RALGAPA1: variants seen among roughly 807,000 people sequenced by gnomAD.
RALGAPA1 encodes Ral GTPase activating protein catalytic subunit alpha 1.
Under a neutral mutation model 269.6 loss-of-function variants are expected in RALGAPA1, and 52 were observed. The ratio of observed to expected loss-of-function variants is 0.19; its 90% CI spans 0.15 to 0.24. The LOEUF (loss-of-function observed/expected upper bound fraction) is 0.24. RALGAPA1 is among the 10% of genes least tolerant of loss of function. The probability of loss-of-function intolerance (pLI) is 1.00; values close to 1 mark genes in which losing one functional copy is unlikely to be tolerated. For synonymous variants in RALGAPA1, 817 were observed against 1,008.3 expected (o/e 0.81, Z 3.60); for missense variants, 1,917 against 3,013.9 (o/e 0.64, Z 8.52).
chr14:35,763,500 T>C (rs1040714272), intron 4 of RALGAPA1, among the ~76,000 whole-genome samples: 11 of 152,148 alleles, frequency 7.2e-5, no homozygotes, highest in South Asian at 2.1e-4. Flanking sequence ...ATATAAACTG[T>C]TTCATATAAC....
Position 35,785,305 on chromosome 14 carries a change from T to C in RALGAPA1, c.107-9560A>G, listed in dbSNP as rs150930375. ...AAATAATTACCCGTTCTTGCTTATATCTTGTTCCTTGAAATCTGAAAATGA... is the reference window on the plus strand; with the variant it reads ...AAATAATTACCCGTTCTTGCTTATACCTTGTTCCTTGAAATCTGAAAATGA... On this transcript the variant is annotated intron_variant, in intron 1 of 41. Transcript: ENST00000680220. Among the ~76,000 whole-genome samples, 4 of 152,364 alleles carry C rather than the reference T, an allele frequency of 2.6e-5. No homozygotes were observed. In the South Asian group the frequency reaches 6.2e-4, roughly 24 times the overall value.
chr14:35,798,519 A>G (rs991975720), intron 1 of RALGAPA1, among the ~76,000 whole-genome samples: 8 of 152,186 alleles, frequency 5.3e-5, no homozygotes, highest in Non-Finnish European at 1.0e-4. Flanking sequence ...AATAAATAAT[A>G]AATGTTCAAG....
chr14:35,673,284 A>G (rs2064640088), intron 24 of RALGAPA1, among the ~76,000 whole-genome samples: 1 of 152,244 alleles, frequency 6.6e-6, no homozygotes, highest in African/African-American at 2.4e-5. Flanking sequence ...GGCTGGGCAC[A>G]GTGGCTTAAG....
chr14:35,781,232 T>C (rs898950089), intron 1 of RALGAPA1, among the ~76,000 whole-genome samples: 1 of 152,144 alleles, frequency 6.6e-6, no homozygotes, highest in Non-Finnish European at 1.5e-5. Context: ...TGAGCAACTG[T>C]ATGCTAGCAA....
intron 33 of RALGAPA1, among the ~76,000 whole-genome samples, chr14:35,628,908 A>G (rs1346818780): frequency 6.6e-6 from 1 of 152,224 alleles, no homozygotes; most frequent in Non-Finnish European, 1.5e-5. Flanking sequence ...GAAACAGTCA[A>G]AAGAGAAAAC....
chr14:35,678,239 G>C, intron 21 of RALGAPA1, 137 bp from the exon 22 acceptor site: 1 of 700,574 alleles, frequency 1.4e-6, no homozygotes, highest in Non-Finnish European at 2.2e-6. Flanking sequence ...GGGAGGTCAA[G>C]AAAATCATAA....
chr14:35,616,628 G>A (rs1566831699), intron 35 of RALGAPA1, among the ~76,000 whole-genome samples: 1 of 152,110 alleles, frequency 6.6e-6, no homozygotes, highest in Non-Finnish European at 1.5e-5. Context: ...CTCTACAGGG[G>A]GAATGGAGAA....
intron 41 of RALGAPA1, among the ~76,000 whole-genome samples, chr14:35,543,576 A>G (rs1031444635): frequency 2.0e-5 from 3 of 152,238 alleles, no homozygotes; most frequent in Admixed American, 1.3e-4. Flanking sequence ...AAAGGAGTTG[A>G]TAAGTTATTA....
chr14:35,541,124 C>A (rs1489913910), intron 41 of RALGAPA1, among the ~76,000 whole-genome samples: 1 of 142,738 alleles, frequency 7.0e-6, no homozygotes, highest in Non-Finnish European at 1.5e-5. Context: ...TGGCTCACTG[C>A]AATCTCCACT....
At chr14:35,750,017 A>G (rs746169179) in intron 9 of RALGAPA1, among the ~76,000 whole-genome samples, 1 of 152,120 alleles carries the variant, frequency 6.6e-6, no homozygotes, top group Non-Finnish European at 1.5e-5. Flanking sequence ...TTGAAATATT[A>G]GTTCCTCTAC....
At position 35,595,659 on chromosome 14, in the gene RALGAPA1, T is replaced by A. The variant is rs375060514; in HGVS notation, c.7184A>T (p.Asp2395Val). ...TTTTTTGGTCAAAGAATCATCAGAA[T>A]CAGAAGGCATTCTTGTTGACACGTG... ...IFHVSTRMPS[D>V]SDDSLTKKLR... The change falls in exon 37 of 42, where the codon GAT (aspartate) becomes GTT (valine). Residue 2395 changes from aspartate (D) to valine (V), a missense_variant. Asp to Val is a radical substitution (Grantham distance 152, BLOSUM62 -3). This residue lies in a region of RALGAPA1 where 132 missense variants were observed against 271.2 expected (regional missense o/e 0.49). Transcript: ENST00000680220. The A allele has an allele frequency of 1.2e-6, 2 of 1,611,978 alleles. No individual in the cohort carries two copies. The highest frequency in any genetic ancestry group is 1.7e-6 in the Non-Finnish European group (2 of 1,179,164).
At chr14:35,657,290 G>A (rs1231240740) in intron 28 of RALGAPA1, among the ~76,000 whole-genome samples, 1 of 151,506 alleles carries the variant, frequency 6.6e-6, no homozygotes, top group Non-Finnish European at 1.5e-5. Flanking sequence ...CTCGGTTCAA[G>A]CAATTCTCCT....
chr14:35,657,676 C>CATATATAT (rs201294195), intron 28 of RALGAPA1, among the ~76,000 whole-genome samples: 1 of 143,068 alleles, frequency 7.0e-6, no homozygotes, highest in African/African-American at 2.6e-5. Context: ...TGAGAAGCAA[C>CATATATAT]ATATATATAT....
At chr14:35,752,362 C>G (rs539923521) in intron 7 of RALGAPA1, among the ~76,000 whole-genome samples, 200 bp from the exon 8 acceptor site, 1 of 152,168 alleles carries the variant, frequency 6.6e-6, no homozygotes, top group African/African-American at 2.4e-5. Context: ...TTTAAAAAAC[C>G]TTAGAAGTAT....
At chr14:35,729,987 C>T (rs1338544610) in intron 12 of RALGAPA1, among the ~76,000 whole-genome samples, 1 of 152,022 alleles carries the variant, frequency 6.6e-6, no homozygotes, top group Non-Finnish European at 1.5e-5. Flanking sequence ...ACCAGGAATC[C>T]CAAAAGGACC....
At chr14:35,757,730 C>A (rs1203047904) in intron 6 of RALGAPA1, among the ~76,000 whole-genome samples, 5 of 152,018 alleles carry the variant, frequency 3.3e-5, no homozygotes, top group Non-Finnish European at 7.4e-5. Flanking sequence ...GAAAGTCAAC[C>A]CACAACTAGC....
chr14:35,683,869 C>G lies in RALGAPA1; in HGVS notation c.4411G>C (p.Asp1471His). 6.2e-7 allele frequency: 1 copy of G among 1,612,202 alleles called. No individual in the cohort carries two copies. The highest frequency in any genetic ancestry group is 8.5e-7 in the Non-Finnish European group (1 of 1,178,814). ...EVASLTTLHI[D>H]SETSSLNQQA... Reference sequence around the variant, plus strand: ...TGATTAAGACTGCTTGTTTCAGAATCTATATGAAGAGTAGTTAGACTAGCC... The same window carrying G: ...TGATTAAGACTGCTTGTTTCAGAATGTATATGAAGAGTAGTTAGACTAGCC... The change falls in exon 21 of 42, where the codon GAT becomes CAT. Residue 1471 changes from aspartate to histidine, a missense_variant. Asp to His is a moderately conservative substitution (Grantham distance 81). Transcript: ENST00000680220.
intron 1 of RALGAPA1, among the ~76,000 whole-genome samples, chr14:35,790,685 A>G (rs75215882): frequency 4.0e-5 from 4 of 100,526 alleles, no homozygotes; most frequent in African/African-American, 1.9e-4. Flanking sequence ...GAGACTGTCT[A>G]AAAAAAAAAA....
At chr14:35,779,390 G>A (rs1348975169) in intron 1 of RALGAPA1, among the ~76,000 whole-genome samples, 1 of 151,938 alleles carries the variant, frequency 6.6e-6, no homozygotes, top group Non-Finnish European at 1.5e-5. Context: ...CAAGCATGGT[G>A]GCATGTGCCT....
Sources: gnomAD v4.1 joint callset for allele counts (sites outside exome capture counted in the v4.1 genomes callset) on GRCh38, gnomAD v4.1.1 for gene constraint, gnomAD v4.1.1 regional missense constraint, MANE v1.5 for transcripts, NCBI Gene and HGNC (gene_info 2026-07-23, HGNC 2026-07-21) for gene names.